The following SH2D4B variants were observed in gnomAD, a reference collection of about 807,000 sequenced individuals.
The protein encoded by SH2D4B is SH2 domain containing 4B, also known as SH2 domain-containing protein 4B.
A neutral mutation model predicts 61.5 loss-of-function variants in SH2D4B; 45 were observed. The ratio of observed to expected loss-of-function variants is 0.73; its 90% CI spans 0.58 to 0.94. The LOEUF (loss-of-function observed/expected upper bound fraction) is 0.94. Ranked by LOEUF, SH2D4B falls within the 40% of genes least tolerant of loss-of-function variation. SH2D4B has a pLI of 0.00. For synonymous variants in SH2D4B, 224 were observed against 220.4 expected, an observed-to-expected ratio of 1.02 and a Z score of -0.14; for missense variants, 572 against 574.2, an observed-to-expected ratio of 1.00 and a Z score of 0.04.
chr10:80,582,613 C>T (rs1842195317), intron 3 of SH2D4B, among the ~76,000 whole-genome samples: 1 of 152,152 alleles, frequency 6.6e-6, no homozygotes, highest in Non-Finnish European at 1.5e-5. Context: ...AGGAAAGAAA[C>T]AGGGAGTCGG....
At chr10:80,586,997 C>G (rs1842261654) in intron 3 of SH2D4B, among the ~76,000 whole-genome samples, 1 of 152,124 alleles carries the variant, frequency 6.6e-6, no homozygotes, top group Admixed American at 6.5e-5. Flanking sequence ...AAGGAAGAAA[C>G]TCCGAACACA....
intron 1 of SH2D4B, among the ~76,000 whole-genome samples, chr10:80,545,003 C>A (rs1841652391): frequency 6.6e-6 from 1 of 152,162 alleles, no homozygotes; most frequent in South Asian, 2.1e-4. Flanking sequence ...CGCAATGAGC[C>A]CCATCCCAAT....
intron 1 of SH2D4B, among the ~76,000 whole-genome samples, chr10:80,567,016 A>G (rs976965777): frequency 6.6e-6 from 1 of 152,222 alleles, no homozygotes; most frequent in East Asian, 1.9e-4. Context: ...GTAGATTAAT[A>G]TGATGAAGGT....
chr10:80,561,615 C>T (rs1304911436), intron 1 of SH2D4B, among the ~76,000 whole-genome samples: 1 of 152,124 alleles, frequency 6.6e-6, no homozygotes, highest in African/African-American at 2.4e-5. Context: ...CAAAGTAGTT[C>T]AGAGAATTCT....
At chr10:80,626,229 A>AT (rs1007035276) in intron 6 of SH2D4B, among the ~76,000 whole-genome samples, 16 of 151,794 alleles carry the variant, frequency 1.1e-4, no homozygotes, top group African/African-American at 3.9e-4. Context: ...TTTTCTGAAG[A>AT]TTTTTTATTT....
chr10:80,543,640 C>T (rs553903096), intron 1 of SH2D4B, among the ~76,000 whole-genome samples: 2 of 152,334 alleles, frequency 1.3e-5, no homozygotes, highest in South Asian at 4.1e-4. Context: ...CCTGCAGCCC[C>T]AGTGCGGGAT....
intron 4 of SH2D4B, among the ~76,000 whole-genome samples, chr10:80,589,037 T>C (rs1299467169): frequency 6.6e-6 from 1 of 151,980 alleles, no homozygotes; most frequent in East Asian, 1.9e-4. Flanking sequence ...GAAGTCTTGC[T>C]CTGTCGCCTA....
At chr10:80,572,317 G>A (rs1452198867) in intron 3 of SH2D4B, among the ~76,000 whole-genome samples, 1 of 152,148 alleles carries the variant, frequency 6.6e-6, no homozygotes, top group Non-Finnish European at 1.5e-5. Context: ...ACATTTTGTG[G>A]TCTAGGATAA....
At chr10:80,549,201 GATTGTGTGT>G (rs1228739972) in intron 1 of SH2D4B, among the ~76,000 whole-genome samples, 2 of 14,208 alleles carry the variant, frequency 1.4e-4, no homozygotes, top group Non-Finnish European at 2.5e-4. Context: ...GATGGGACTT[GATTGTGTGT>G]GTGTGTGTGT....
At chr10:80,569,163 G>A (rs1008776243) in intron 1 of SH2D4B, among the ~76,000 whole-genome samples, 7 of 152,132 alleles carry the variant, frequency 4.6e-5, no homozygotes, top group African/African-American at 1.2e-4. Context: ...CTAGTGTCAC[G>A]GTCTGTTGTG....
chr10:80,588,623 A>G lies in SH2D4B; in HGVS notation c.496-7A>G. The G allele has an allele frequency of 6.2e-7, 1 of 1,613,586 alleles. No individual in the cohort carries two copies. The highest frequency in any genetic ancestry group is 8.5e-7 in the Non-Finnish European group (1 of 1,179,946). On this transcript the variant is annotated splice_region_variant and splice_polypyrimidine_tract_variant and intron_variant, in intron 3 of 7. Transcript: ENST00000646907. ...TCTCGTGTTGTTCTGTTCCCATGAC[A>G]TTTTAGAGGAAAGAGGAAGAGGAGA...
chr10:80,578,609 A>T (rs936299239), intron 3 of SH2D4B, among the ~76,000 whole-genome samples: 1 of 152,208 alleles, frequency 6.6e-6, no homozygotes, highest in Non-Finnish European at 1.5e-5. Context: ...GGAGCCAGAC[A>T]TACGCCTGGA....
At chr10:80,593,849 A>C (rs1375569887) in intron 4 of SH2D4B, among the ~76,000 whole-genome samples, 2 of 152,106 alleles carry the variant, frequency 1.3e-5, no homozygotes, top group African/African-American at 2.4e-5. Context: ...TCACTTTGTC[A>C]CTCAGGCTGG....
intron 4 of SH2D4B, among the ~76,000 whole-genome samples, chr10:80,599,094 A>G (rs1842415395): frequency 6.6e-6 from 1 of 152,148 alleles, no homozygotes; most frequent in South Asian, 2.1e-4. Context: ...GGCCCAGGTC[A>G]GGGTCCAGTG....
intron 7 of SH2D4B, among the ~76,000 whole-genome samples, chr10:80,637,656 A>G (rs552548870): frequency 3.6e-4 from 55 of 152,330 alleles, no homozygotes; most frequent in African/African-American, 9.1e-4. Context: ...ACTTTGCTGA[A>G]GTTGCTTATC....
chr10:80,552,269 GCA>G (rs1841771363), intron 1 of SH2D4B, among the ~76,000 whole-genome samples: 1 of 152,202 alleles, frequency 6.6e-6, no homozygotes, highest in Non-Finnish European at 1.5e-5. Flanking sequence ...GAGTTTCGGT[GCA>G]GTTTCCCTTT....
intron 6 of SH2D4B, among the ~76,000 whole-genome samples, chr10:80,621,620 G>A (rs1842717912): frequency 6.6e-6 from 1 of 152,156 alleles, no homozygotes; most frequent in African/African-American, 2.4e-5. Flanking sequence ...TGTCGTCTGG[G>A]TATAGGGAGA....
intron 6 of SH2D4B, among the ~76,000 whole-genome samples, chr10:80,623,076 G>A (rs979870056): frequency 6.6e-6 from 1 of 152,150 alleles, no homozygotes; most frequent in African/African-American, 2.4e-5. Context: ...CACCACACCT[G>A]GCTAATTTTT....
chr10:80,635,390 A>C (rs1371192518), intron 7 of SH2D4B, among the ~76,000 whole-genome samples: 1 of 152,176 alleles, frequency 6.6e-6, no homozygotes, highest in East Asian at 1.9e-4. Flanking sequence ...CATCTAACCA[A>C]GCTTTGTGGG....
Sources: allele counts gnomAD v4.1 joint callset (sites outside exome capture counted in the v4.1 genomes callset), GRCh38; gene constraint gnomAD v4.1.1; transcripts MANE v1.5; gene names NCBI Gene and HGNC (gene_info 2026-07-23, HGNC 2026-07-21).